GOLGB1: variants seen among roughly 807,000 people sequenced by gnomAD.
The protein encoded by GOLGB1 is golgin B1.
Under a neutral mutation model 336.9 loss-of-function variants are expected in GOLGB1, and 174 were observed. The observed-to-expected ratio is 0.52, with a 90% CI of 0.46 to 0.59. The LOEUF (loss-of-function observed/expected upper bound fraction) is 0.59. Among genes scored for constraint, GOLGB1 ranks in the 20% least tolerant of loss-of-function variants. The probability of loss-of-function intolerance (pLI) is 0.00; values close to 1 mark genes in which losing one functional copy is unlikely to be tolerated. For synonymous variants in GOLGB1, 1,208 were observed against 1,289.2 expected (o/e 0.94, Z 1.35); for missense variants, 3,331 against 3,645.3 (o/e 0.91, Z 2.22).
chr3:121,696,637 G>A lies in GOLGB1; in HGVS notation c.3886C>T (p.His1296Tyr), dbSNP rs534467945. 10 of 1,614,176 alleles carry A rather than the reference G, an allele frequency of 6.2e-6. No individual in the cohort carries two copies. The highest frequency in any genetic ancestry group is 2.2e-5 in the East Asian group (1 of 44,890). The change falls in exon 13 of 22, where the codon CAT becomes TAT. Residue 1296 changes from histidine (H) to tyrosine (Y), a missense_variant. Physicochemically the swap from His to Tyr is moderately conservative, Grantham distance 83. Coordinates refer to ENST00000614479, the MANE Select transcript of GOLGB1 (RefSeq NM_001366282.2). ...TGCAGAGCACTCGCATCTTCAGAAT[G>A]AGAAGGCCAGTCTGGGCACAAGTTG... ...ESNLCPDWPSHSEDASALQGG... is the reference protein window; with the variant it reads ...ESNLCPDWPSYSEDASALQGG...
At chr3:121,687,928 C>T (rs1489836915) in intron 14 of GOLGB1, among the ~76,000 whole-genome samples, 11 of 152,086 alleles carry the variant, frequency 7.2e-5, no homozygotes, top group Admixed American at 5.9e-4. Flanking sequence ...GTCAGCTAAA[C>T]TCAAATTATT....
At chr3:121,707,627 T>C (rs2107998186) in intron 10 of GOLGB1, among the ~76,000 whole-genome samples, 1 of 148,094 alleles carries the variant, frequency 6.8e-6, no homozygotes, top group Non-Finnish European at 1.5e-5. Flanking sequence ...AATGAGAACC[T>C]GTCTCTTACT....
At chr3:121,677,603 A>G (rs1940580134) in intron 15 of GOLGB1, among the ~76,000 whole-genome samples, 153 bp from the exon 16 acceptor site, 1 of 152,242 alleles carries the variant, frequency 6.6e-6, no homozygotes, top group African/African-American at 2.4e-5. Context: ...GAAAGAGAGA[A>G]AATGTGGGGG....
At chr3:121,725,211 C>T (rs1175204134) in intron 5 of GOLGB1, among the ~76,000 whole-genome samples, 1 of 152,126 alleles carries the variant, frequency 6.6e-6, no homozygotes, top group Non-Finnish European at 1.5e-5. Flanking sequence ...CACTGCCATA[C>T]CAGAACTATA....
intron 2 of GOLGB1, chr3:121,730,233 G>C (rs1560315076): frequency 2.5e-6 from 1 of 398,554 alleles, no homozygotes; most frequent in African/African-American, 2.1e-5. Flanking sequence ...CCCATTTAAG[G>C]TATTATTATC....
In GOLGB1 at chr3:121,703,383, A is replaced by G. The variant is rs191539337; in HGVS notation, c.1405-788T>C. 9.2e-5 allele frequency among the ~76,000 whole-genome samples: 14 copies of G among 152,356 alleles called. No homozygotes were observed. The East Asian group carries it at 2.5e-3, about 27-fold the overall frequency. The stretch of plus-strand genomic sequence containing the variant: ...AGTATGCAGGGCAAGTAAAATTCCA[A>G]TAGAATAGCCACAGATATTTCTGGC... On this transcript the variant is annotated intron_variant, in intron 10 of 21. Transcript: ENST00000614479.
chr3:121,696,643 G>A lies in GOLGB1; in HGVS notation c.3880C>T (p.Pro1294Ser), dbSNP rs749615316. ...VLESNLCPDWPSHSEDASALQ... is the reference protein window; with the variant it reads ...VLESNLCPDWSSHSEDASALQ... The stretch of plus-strand genomic sequence containing the variant: ...GCACTCGCATCTTCAGAATGAGAAG[G>A]CCAGTCTGGGCACAAGTTGGACTCT... The change falls in exon 13 of 22, where the codon CCT (proline) becomes TCT (serine). Residue 1294 changes from proline to serine, a missense_variant. Coordinates refer to ENST00000614479, the MANE Select transcript of GOLGB1 (RefSeq NM_001366282.2). 1 of 1,614,122 alleles carries A rather than the reference G, an allele frequency of 6.2e-7. No homozygotes were observed.
chr3:121,717,491 A>G (rs1376258313), intron 8 of GOLGB1, among the ~76,000 whole-genome samples: 8 of 152,224 alleles, frequency 5.3e-5, no homozygotes, highest in African/African-American at 9.6e-5. Flanking sequence ...AGAAAGGAGC[A>G]AGGGTAAGGA....
At chr3:121,704,431 C>T (rs1002259025) in intron 10 of GOLGB1, among the ~76,000 whole-genome samples, 4 of 151,994 alleles carry the variant, frequency 2.6e-5, no homozygotes, top group African/African-American at 9.7e-5. Flanking sequence ...TGACTACTGA[C>T]CAATTGTTAG....
intron 17 of GOLGB1, among the ~76,000 whole-genome samples, chr3:121,671,511 A>C (rs570348291): frequency 7.2e-5 from 11 of 152,336 alleles, no homozygotes; most frequent in African/African-American, 2.2e-4. Context: ...AAATTTTTTA[A>C]TTCATGTATA....
At chr3:121,669,985 C>T (rs79720186) in intron 17 of GOLGB1, among the ~76,000 whole-genome samples, 19,183 of 152,244 alleles carry the variant, frequency 0.13, 1,425 homozygotes, top group African/African-American at 0.19. Flanking sequence ...CTCTCCTCTA[C>T]TGCATGACTA....
At chr3:121,727,293 C>CATATATATATATATATAT (rs1235174337) in intron 4 of GOLGB1, among the ~76,000 whole-genome samples, 1 of 27,582 alleles carries the variant, frequency 3.6e-5, no homozygotes, top group Admixed American at 8.1e-4. Flanking sequence ...CACACACACA[C>CATATATATATATATATAT]ATATATATAT....
At chr3:121,687,511 T>C (rs1445759907) in intron 14 of GOLGB1, among the ~76,000 whole-genome samples, 3 of 152,084 alleles carry the variant, frequency 2.0e-5, no homozygotes, top group African/African-American at 7.2e-5. Flanking sequence ...AGATGGAAAA[T>C]AAAAATACTT....
chr3:121,701,838 A>C (rs759275510), intron 11 of GOLGB1, among the ~76,000 whole-genome samples: 1 of 152,170 alleles, frequency 6.6e-6, no homozygotes, highest in Non-Finnish European at 1.5e-5. Flanking sequence ...ATAATATAGT[A>C]AAAAAGACAA....
At chr3:121,680,849 T>G (rs1940990958) in intron 15 of GOLGB1, among the ~76,000 whole-genome samples, 1 of 152,150 alleles carries the variant, frequency 6.6e-6, no homozygotes, top group South Asian at 2.1e-4. Context: ...TGAACAGATA[T>G]TTCATCAAAG....
At chr3:121,684,083 A>C (rs1325088052) in intron 14 of GOLGB1, among the ~76,000 whole-genome samples, 1 of 141,406 alleles carries the variant, frequency 7.1e-6, no homozygotes, top group Non-Finnish European at 1.5e-5. Flanking sequence ...AGCCAAGATC[A>C]TGCCATTGCA....
chr3:121,719,128 A>C (rs1213004344), intron 7 of GOLGB1, among the ~76,000 whole-genome samples: 1 of 152,244 alleles, frequency 6.6e-6, no homozygotes, highest in African/African-American at 2.4e-5. Context: ...TTTCAGTACC[A>C]CAATGCACTA....
rs1161632674 is a variant in GOLGB1, at chr3:121,690,810, G to T, written c.8554C>A (p.His2852Asn). 3 of 1,607,666 alleles carry T rather than the reference G, an allele frequency of 1.9e-6. No homozygotes were observed. Among genetic ancestry groups the T allele is most frequent in the Non-Finnish European group, 2.5e-6 (3 of 1,177,248 alleles). ...AATTTCTCCAGCTCATTCCACAGGT[G>T]ATCTCTCTCATTCTGCAGACTGGCC... is the stretch of plus-strand genomic sequence containing the variant. ...AMASLQNERDHLWNELEKFRK... is the reference protein window; with the variant it reads ...AMASLQNERDNLWNELEKFRK... Residue 2852 changes from histidine (H) to asparagine (N), a missense_variant, in exon 14 of 22, where the codon CAC (histidine) becomes AAC (asparagine). Coordinates refer to ENST00000614479, the MANE Select transcript of GOLGB1 (RefSeq NM_001366282.2).
intron 10 of GOLGB1, among the ~76,000 whole-genome samples, chr3:121,710,977 A>G (rs1944320406): frequency 6.6e-6 from 1 of 152,122 alleles, no homozygotes. Flanking sequence ...GTTAGGAGGT[A>G]TGGTTAGGAG....
Sources: allele counts gnomAD v4.1 joint callset (sites outside exome capture counted in the v4.1 genomes callset), GRCh38; gene constraint gnomAD v4.1.1; transcripts MANE v1.5; gene names NCBI Gene and HGNC (gene_info 2026-07-23, HGNC 2026-07-21).